The following PARP1 variants were observed in gnomAD, a reference collection of about 807,000 sequenced individuals.
PARP1 encodes poly(ADP-ribose) polymerase 1, also known as poly [ADP-ribose] polymerase 1.
A neutral mutation model predicts 118.7 loss-of-function variants in PARP1; 44 were observed. The observed-to-expected ratio is 0.37, with a 90% CI of 0.29 to 0.48. The LOEUF is 0.48. PARP1 is among the 20% of genes least tolerant of loss of function. The pLI is 0.99. For synonymous variants in PARP1, 492 were observed against 483.2 expected (o/e 1.02, Z -0.24); for missense variants, 1,100 against 1,272.4 (o/e 0.86, Z 2.06).
intron 1 of PARP1, among the ~76,000 whole-genome samples, chr1:226,406,611 C>T (rs1576405761): frequency 6.6e-6 from 1 of 152,318 alleles, no homozygotes; most frequent in Middle Eastern, 3.4e-3. Context: ...GTTTGTTTAC[C>T]AGTCATTTCC....
rs1247598812 is a variant in PARP1, at chr1:226,374,100, C to T, written c.2070+126G>A. 3.5e-6 allele frequency: 4 copies of T among 1,127,168 alleles called. No individual in the cohort carries two copies. The East Asian group carries it at 7.2e-5, about 20-fold the overall frequency. The allele number at this position is 1,127,168 out of a possible 1,614,324, so 69.8% of individuals were successfully genotyped here. On this transcript the variant is annotated intron_variant, in intron 14 of 22. Transcript: ENST00000366794. ...ACAATTTAAGATTGAAGGACAGGTA[C>T]AAGAAGCTGACAGCCAATGTATTGT...
At chr1:226,378,033 G>A (rs1664528904) in intron 12 of PARP1, among the ~76,000 whole-genome samples, 2 of 152,024 alleles carry the variant, frequency 1.3e-5, no homozygotes, top group South Asian at 4.1e-4. Flanking sequence ...TACTGAACAG[G>A]GGTATAAAAA....
rs146121070 is a variant in PARP1, at chr1:226,367,458, G to C, written c.2406+22C>G. 1.2e-5 allele frequency: 19 copies of C among 1,612,972 alleles called. No individual in the cohort carries two copies. In the African/African-American group the frequency reaches 1.2e-4, roughly 10 times the overall value. On this transcript the variant is annotated intron_variant, in intron 17 of 22. Transcript: ENST00000366794. The stretch of plus-strand genomic sequence containing the variant: ...CTCAGGATGAGAGGTTAAGATGCTT[G>C]AGGAAGGCCTGACCCTGTTACCTTA...
intron 15 of PARP1, among the ~76,000 whole-genome samples, chr1:226,369,729 C>T (rs763916982): frequency 3.3e-5 from 5 of 151,852 alleles, no homozygotes; most frequent in Admixed American, 6.6e-5. Context: ...CTGAGGCAGG[C>T]GGATCACTTG....
At position 226,385,553 on chromosome 1, in the gene PARP1, C is replaced by T. The variant is rs1432736935; in HGVS notation, c.962G>A (p.Cys321Tyr). 6.2e-7 allele frequency: 1 copy of T among 1,614,170 alleles called. No homozygotes were observed. The highest frequency in any genetic ancestry group is 8.5e-7 in the Non-Finnish European group (1 of 1,180,016). ...GTTGGGTGTCTGTGTCTTGACCATA[C>T]ACTTGGTCCAGGCAGTGACGTCCCC... ...CTGDVTAWTK[C>Y]MVKTQTPNRK... Residue 321 changes from cysteine (C) to tyrosine (Y), a missense_variant, in exon 7 of 23, where the codon TGT becomes TAT. Physicochemically the swap from Cys to Tyr is radical, Grantham distance 194. This residue lies in a region of PARP1 where 948 missense variants were observed against 1,031.8 expected (regional missense o/e 0.92). Transcript: ENST00000366794.
chr1:226,361,607 C>G, intron 22 of PARP1, 66 bp from the exon 23 acceptor site: 1 of 1,162,216 alleles, frequency 8.6e-7, no homozygotes, highest in East Asian at 2.4e-5. Context: ...TGCCTCATCT[C>G]CCCCAGGCTG....
Position 226,407,897 on chromosome 1 carries a change from G to C in PARP1, c.33C>G (p.Val11=). 1 of 1,612,304 alleles carries C rather than the reference G, an allele frequency of 6.2e-7. No individual in the cohort carries two copies. Among genetic ancestry groups the C allele is most frequent in the African/African-American group, 1.3e-5 (1 of 74,950 alleles). MAESSDKLYR[V]EYAKSGRASC... is the part of the protein sequence containing the mutation. ...AGGCGCGCCCGCTCTTGGCGTACTC[G>C]ACTCGATAGAGCTTATCCGAAGACT... Residue 11 remains valine (V), a synonymous_variant, in exon 1 of 23, where the codon GTC becomes GTG. Transcript: ENST00000366794.
chr1:226,377,085 G>A (rs375007292), intron 13 of PARP1, 23 bp downstream of exon 13: 215 of 1,595,190 alleles, frequency 1.3e-4, no homozygotes, highest in Admixed American at 9.5e-4. Context: ...GAAGCAGACA[G>A]TGTAAGGGCA....
intron 21 of PARP1, among the ~76,000 whole-genome samples, chr1:226,362,815 G>A (rs1478283928): frequency 6.6e-6 from 1 of 150,912 alleles, no homozygotes; most frequent in African/African-American, 2.4e-5. Context: ...AGAGTGAACT[G>A]TTTTTAAAAA....
At chr1:226,367,401 C>A in intron 17 of PARP1, 79 bp downstream of exon 17, 1 of 1,540,708 alleles carries the variant, frequency 6.5e-7, no homozygotes, top group Non-Finnish European at 9.0e-7. Flanking sequence ...TCCAGGAGAT[C>A]CTAACACACA....
intron 14 of PARP1, chr1:226,371,009 G>A (rs1576392617): frequency 5.3e-6 from 1 of 187,586 alleles, no homozygotes; most frequent in Admixed American, 5.3e-5. Context: ...TGAACTTATG[G>A]ACTTACATTC....
In PARP1 at chr1:226,383,617, C is replaced by A. The variant is rs441588; in HGVS notation, c.1012-434G>T. 3.9e-3 allele frequency among the ~76,000 whole-genome samples: 588 copies of A among 152,302 alleles called. 21 individuals are homozygous for A. In the East Asian group the frequency reaches 0.057, roughly 15 times the overall value. On this transcript the variant is annotated intron_variant, in intron 7 of 22. Coordinates refer to ENST00000366794, the MANE Select transcript of PARP1 (RefSeq NM_001618.4). ...CAAGACCCCGAATACTATATACACA[C>A]TGGGAGATTATTACCCAAAAGGAAA...
intron 16 of PARP1, 95 bp from the exon 17 acceptor site, chr1:226,367,703 C>G: frequency 7.1e-7 from 1 of 1,416,816 alleles, no homozygotes; most frequent in South Asian, 1.2e-5. Flanking sequence ...AGAGAAGGTC[C>G]AACACAGTGA....
chr1:226,382,337 T>C (rs936839569), intron 8 of PARP1, among the ~76,000 whole-genome samples: 3 of 152,176 alleles, frequency 2.0e-5, no homozygotes, highest in African/African-American at 7.2e-5. Flanking sequence ...CAACAGAGAC[T>C]TGAGCATCAC....
chr1:226,376,767 T>C (rs190347221), intron 13 of PARP1, among the ~76,000 whole-genome samples: 17 of 152,310 alleles, frequency 1.1e-4, no homozygotes, highest in Non-Finnish European at 1.5e-4. Flanking sequence ...AAATCCCACT[T>C]GGGAGTGGTG....
chr1:226,370,855 A>C, intron 14 of PARP1: 1 of 331,780 alleles, frequency 3.0e-6, no homozygotes, highest in South Asian at 3.1e-5. Context: ...GAGGGCTCAT[A>C]AATCATGCTG....
At chr1:226,390,320 C>T (rs541434403) in intron 4 of PARP1, 90 bp downstream of exon 4, 10 of 1,109,106 alleles carry the variant, frequency 9.0e-6, no homozygotes, top group African/African-American at 1.6e-5. Flanking sequence ...CGAAGGGAAA[C>T]AGAGGAGTGG....
chr1:226,395,197 C>T (rs1270545733), intron 2 of PARP1, among the ~76,000 whole-genome samples: 1 of 151,736 alleles, frequency 6.6e-6, no homozygotes, highest in African/African-American at 2.4e-5. Context: ...AATGGAAGAG[C>T]TGTTATAGAA....
rs1249614136 is a variant in PARP1 at position 226,402,496 on chromosome 1, A to C, written c.121-117T>G. On this transcript the variant is annotated intron_variant, in intron 1 of 22. Coordinates refer to ENST00000366794, the MANE Select transcript of PARP1 (RefSeq NM_001618.4). ...AGCCCCAGCAGTGGGATAGCACATG[A>C]AACTTTTGTTCTCCTATCTGTGAAA... is the stretch of plus-strand genomic sequence containing the variant. 1.4e-5 allele frequency: 13 copies of C among 962,408 alleles called. No homozygotes were observed. The Admixed American group carries it at 2.6e-4, about 19-fold the overall frequency. 59.6% of individuals were successfully genotyped at this position (962,408 alleles called of 1,614,324 possible).
Sources: gnomAD v4.1 joint callset for allele counts (sites outside exome capture counted in the v4.1 genomes callset) on GRCh38, gnomAD v4.1.1 for gene constraint, gnomAD v4.1.1 regional missense constraint, MANE v1.5 for transcripts, NCBI Gene and HGNC (gene_info 2026-07-23, HGNC 2026-07-21) for gene names.